IPMK: variants seen among roughly 807,000 people sequenced by gnomAD.
IPMK encodes inositol polyphosphate multikinase, also known as inositol 1,3,4,6-tetrakisphosphate 5-kinase.
A neutral mutation model predicts 45.8 loss-of-function variants in IPMK; 17 were observed. The observed-to-expected ratio is 0.37, with a 90% CI of 0.25 to 0.56. The LOEUF is 0.56. IPMK is among the 20% of genes least tolerant of loss of function. The pLI, the probability that IPMK is intolerant of heterozygous loss-of-function variation, is 0.79. For missense variants in IPMK, 399 were observed against 498.0 expected (o/e 0.80, Z 1.89); for synonymous variants, 180 against 184.3 (o/e 0.98, Z 0.19).
intron 1 of IPMK, among the ~76,000 whole-genome samples, chr10:58,242,522 G>A (rs1326447040): frequency 6.7e-6 from 1 of 148,438 alleles, no homozygotes; most frequent in African/African-American, 2.5e-5. Context: ...GAAACTTTAA[G>A]AACTTAGTGG....
At chr10:58,232,983 A>G (rs1838548471) in intron 2 of IPMK, among the ~76,000 whole-genome samples, 1 of 152,262 alleles carries the variant, frequency 6.6e-6, no homozygotes, top group African/African-American at 2.4e-5. Flanking sequence ...AAAAAATGAT[A>G]AAGGGGATAT....
intron 4 of IPMK, among the ~76,000 whole-genome samples, chr10:58,205,963 T>G (rs920053685): frequency 9.2e-5 from 14 of 152,294 alleles, no homozygotes; most frequent in Middle Eastern, 6.8e-3. Context: ...GGAATCTACC[T>G]GAGAGAAATA....
chr10:58,266,422 TG>T (rs1839148185), intron 1 of IPMK, among the ~76,000 whole-genome samples: 1 of 152,234 alleles, frequency 6.6e-6, no homozygotes, highest in African/African-American at 2.4e-5. Flanking sequence ...GAAGAACTCT[TG>T]GTTTCACAAT....
chr10:58,258,681 CTCAA>C (rs1839010824), intron 1 of IPMK, among the ~76,000 whole-genome samples: 2 of 152,054 alleles, frequency 1.3e-5, no homozygotes, highest in African/African-American at 2.4e-5. Context: ...ATAATAAAAA[CTCAA>C]TCTATATCAA....
chr10:58,196,371 G>C lies in IPMK; in HGVS notation c.956C>G (p.Ala319Gly). ...SVGKSLSKMY[A>G]RHRKIYTKKH... is the part of the protein sequence containing the mutation. The stretch of plus-strand genomic sequence containing the variant: ...TTTTGTATATATTTTCCTGTGACGC[G>C]CATACATCTTGGACAAGCTTTTGCC... Residue 319 changes from alanine (A) to glycine (G), a missense_variant, in exon 6 of 6, where the codon GCG becomes GGG. Ala to Gly is a moderately conservative substitution (Grantham distance 60). This residue lies in a region of IPMK where 288 missense variants were observed against 398.0 expected (regional missense o/e 0.72). Coordinates refer to ENST00000373935, the MANE Select transcript of IPMK (RefSeq NM_152230.5). 5 of 1,613,936 alleles carry C rather than the reference G, an allele frequency of 3.1e-6. No individual in the cohort carries two copies. The highest frequency in any genetic ancestry group is 2.2e-5 in the East Asian group (1 of 44,856).
intron 4 of IPMK, among the ~76,000 whole-genome samples, chr10:58,202,416 G>A (rs1310608602): frequency 1.3e-5 from 2 of 152,216 alleles, no homozygotes; most frequent in African/African-American, 4.8e-5. Flanking sequence ...GGAGGCTGAG[G>A]CAGGAGGATT....
intron 3 of IPMK, among the ~76,000 whole-genome samples, chr10:58,222,162 G>A (rs180873105): frequency 1.3e-5 from 2 of 152,316 alleles, no homozygotes; most frequent in African/African-American, 4.8e-5. Flanking sequence ...TGGGATTACA[G>A]GTGAGAGCCA....
At chr10:58,251,982 G>T (rs920732135) in intron 1 of IPMK, among the ~76,000 whole-genome samples, 1 of 152,194 alleles carries the variant, frequency 6.6e-6, no homozygotes, top group African/African-American at 2.4e-5. Context: ...TACACTCAAG[G>T]TATGATAGGT....
At chr10:58,249,282 A>G (rs1588970221) in intron 1 of IPMK, among the ~76,000 whole-genome samples, 1 of 152,178 alleles carries the variant, frequency 6.6e-6, no homozygotes, top group Non-Finnish European at 1.5e-5. Context: ...CTGCAGCGGC[A>G]CAATCATAGC....
At chr10:58,248,062 T>C (rs1027162583) in intron 1 of IPMK, among the ~76,000 whole-genome samples, 5 of 152,124 alleles carry the variant, frequency 3.3e-5, no homozygotes, top group African/African-American at 1.2e-4. Context: ...AAGTTGCACA[T>C]GCTCCTTGTG....
intron 1 of IPMK, among the ~76,000 whole-genome samples, chr10:58,244,193 C>T (rs1366639105): frequency 6.6e-6 from 1 of 150,622 alleles, no homozygotes; most frequent in Non-Finnish European, 1.5e-5. Flanking sequence ...TGAGGAGCGC[C>T]TCTGCCCGGC....
At chr10:58,232,651 T>C (rs775833918) in intron 2 of IPMK, among the ~76,000 whole-genome samples, 23 of 152,272 alleles carry the variant, frequency 1.5e-4, no homozygotes, top group Non-Finnish European at 3.2e-4. Flanking sequence ...AGACACAACA[T>C]ACAAGAATCT....
rs1196618342 is a variant in IPMK, at chr10:58,237,757, C to T, written c.248G>A (p.Gly83Asp). Reference protein sequence around the residue: ...VLKQLQPPPRGPRELEFYNMV... With the variant: ...VLKQLQPPPRDPRELEFYNMV... ...ATTATAGAATTCCAGCTCTCTTGGG[C>T]CCCTTGGAGGTGGTTGTAACTGTTT... Residue 83 changes from glycine to aspartate, a missense_variant, in exon 2 of 6, where the codon GGC becomes GAC. Gly to Asp is a moderately conservative substitution (Grantham distance 94). This residue lies in a region of IPMK where 288 missense variants were observed against 398.0 expected (regional missense o/e 0.72). Transcript: ENST00000373935. 1 of 1,613,186 alleles carries T rather than the reference C, an allele frequency of 6.2e-7. No individual in the cohort carries two copies. The highest frequency in any genetic ancestry group is 8.5e-7 in the Non-Finnish European group (1 of 1,179,538).
chr10:58,252,787 T>C (rs537738874), intron 1 of IPMK, among the ~76,000 whole-genome samples: 2 of 152,072 alleles, frequency 1.3e-5, no homozygotes, highest in East Asian at 3.9e-4. Flanking sequence ...AATTTTTGTA[T>C]TTTTAGTAGA....
chr10:58,232,609 A>G (rs544522340), intron 2 of IPMK, among the ~76,000 whole-genome samples: 5 of 152,402 alleles, frequency 3.3e-5, no homozygotes, highest in African/African-American at 1.2e-4. Flanking sequence ...GAAAGCAGAA[A>G]TAAAGATGTT....
chr10:58,266,495 C>T (rs1839149430), intron 1 of IPMK, among the ~76,000 whole-genome samples: 1 of 152,138 alleles, frequency 6.6e-6, no homozygotes, highest in Admixed American at 6.5e-5. Context: ...GCCTTAGTCA[C>T]CTCGTCTAAA....
chr10:58,243,251 T>A (rs1221092148), intron 1 of IPMK, among the ~76,000 whole-genome samples: 1 of 152,322 alleles, frequency 6.6e-6, no homozygotes, highest in Middle Eastern at 3.4e-3. Flanking sequence ...AAAAGGGGTA[T>A]AGGCATACAA....
intron 4 of IPMK, among the ~76,000 whole-genome samples, chr10:58,213,532 T>A (rs951965140): frequency 4.6e-5 from 7 of 151,744 alleles, no homozygotes; most frequent in Admixed American, 3.9e-4. Context: ...AAAAAAATAC[T>A]AAAAATTAGC....
chr10:58,223,765 G>A (rs1196930528), intron 3 of IPMK, among the ~76,000 whole-genome samples: 1 of 152,114 alleles, frequency 6.6e-6, no homozygotes, highest in South Asian at 2.1e-4. Flanking sequence ...TTGGATTATG[G>A]GGTGTTTTCC....
Sources: gnomAD v4.1 joint callset for allele counts (sites outside exome capture counted in the v4.1 genomes callset) on GRCh38, gnomAD v4.1.1 for gene constraint, gnomAD v4.1.1 regional missense constraint, MANE v1.5 for transcripts, NCBI Gene and HGNC (gene_info 2026-07-23, HGNC 2026-07-21) for gene names.